The following CTNNA2 variants were observed in gnomAD, a reference collection of about 807,000 sequenced individuals.
CTNNA2 encodes the protein catenin alpha-2.
In CTNNA2, 42 loss-of-function variants were observed where a neutral mutation model predicts 101.0. That is an observed-to-expected ratio of 0.42 (90% CI 0.32 to 0.54). The LOEUF (loss-of-function observed/expected upper bound fraction) is 0.54, where lower values mean the gene tolerates loss of function less well. Among genes scored for constraint, CTNNA2 ranks in the 20% least tolerant of loss-of-function variants. CTNNA2 has a pLI of 0.14. For missense variants in CTNNA2, 871 were observed against 1,223.1 expected, an observed-to-expected ratio of 0.71 and a Z score of 4.29; for synonymous variants, 450 against 456.4, an observed-to-expected ratio of 0.99 and a Z score of 0.18.
At chr2:79,635,824 A>G (rs1046777791) in intron 1 of CTNNA2, among the ~76,000 whole-genome samples, 1 of 151,706 alleles carries the variant, frequency 6.6e-6, no homozygotes, top group Non-Finnish European at 1.5e-5. Flanking sequence ...AGTTCTATTC[A>G]TTGACATATG....
At chr2:79,870,882 C>G (rs889517425) in intron 5 of CTNNA2, among the ~76,000 whole-genome samples, 1 of 152,100 alleles carries the variant, frequency 6.6e-6, no homozygotes, top group Admixed American at 6.5e-5. Flanking sequence ...ATAGGTCCCT[C>G]CCTCCACATG....
intron 12 of CTNNA2, among the ~76,000 whole-genome samples, chr2:80,559,071 C>G (rs1693317866): frequency 6.6e-6 from 1 of 152,094 alleles, no homozygotes; most frequent in Non-Finnish European, 1.5e-5. Flanking sequence ...TTGTAACCAC[C>G]AAGATGTCTC....
chr2:79,723,156 C>T (rs1441062628), intron 2 of CTNNA2, among the ~76,000 whole-genome samples: 1 of 133,324 alleles, frequency 7.5e-6, no homozygotes, highest in Non-Finnish European at 1.6e-5. Flanking sequence ...GTCTTTCCTA[C>T]CCCCTATAGA....
intron 12 of CTNNA2, among the ~76,000 whole-genome samples, chr2:80,572,500 G>A (rs1384254572): frequency 6.6e-6 from 1 of 152,224 alleles, no homozygotes; most frequent in Admixed American, 6.5e-5. Context: ...TTATGGCAAC[G>A]TAGACACCGT....
At chr2:79,599,725 G>A (rs1677428403) in intron 1 of CTNNA2, among the ~76,000 whole-genome samples, 1 of 152,142 alleles carries the variant, frequency 6.6e-6, no homozygotes, top group Non-Finnish European at 1.5e-5. Context: ...AGAAAAATCT[G>A]AGAAATTTAA....
At chr2:79,302,953 G>T (rs543320173) in intron 2 of CTNNA2, among the ~76,000 whole-genome samples, 22 of 152,232 alleles carry the variant, frequency 1.4e-4, no homozygotes, top group African/African-American at 5.3e-4. Flanking sequence ...AAAACATAAA[G>T]AGAAGTTAAC....
intron 7 of CTNNA2, among the ~76,000 whole-genome samples, chr2:80,073,283 G>GT (rs1487418635): frequency 1.3e-5 from 2 of 152,180 alleles, no homozygotes. Flanking sequence ...ACTTTGACAG[G>GT]TTTGCAGGCA....
chr2:79,543,260 C>T (rs6723701), intron 1 of CTNNA2, among the ~76,000 whole-genome samples: 3 of 151,914 alleles, frequency 2.0e-5, no homozygotes, highest in African/African-American at 7.3e-5. Context: ...GAAACAAAAC[C>T]GTGTAATATC....
At chr2:80,519,284 A>T (rs903613283) in intron 9 of CTNNA2, among the ~76,000 whole-genome samples, 21 of 152,194 alleles carry the variant, frequency 1.4e-4, no homozygotes, top group African/African-American at 5.1e-4. Flanking sequence ...ACTATCATGG[A>T]TTGTGCTTTG....
chr2:79,322,198 A>G (rs1676640683), intron 3 of CTNNA2, among the ~76,000 whole-genome samples: 1 of 152,192 alleles, frequency 6.6e-6, no homozygotes, highest in Non-Finnish European at 1.5e-5. Context: ...GAACTAAGAT[A>G]ATTGTCATCA....
At chr2:79,854,913 G>T (rs1037885213) in intron 3 of CTNNA2, among the ~76,000 whole-genome samples, 6 of 152,084 alleles carry the variant, frequency 3.9e-5, no homozygotes, top group African/African-American at 1.4e-4. Context: ...CTACATTCCT[G>T]GGAAAGTAGC....
chr2:79,877,840 T>A (rs1683141892), intron 6 of CTNNA2, among the ~76,000 whole-genome samples: 1 of 152,206 alleles, frequency 6.6e-6, no homozygotes, highest in South Asian at 2.1e-4. Context: ...CCCTAAAATT[T>A]ATTTTTTAAA....
At chr2:79,888,066 C>T (rs1684023676) in intron 6 of CTNNA2, among the ~76,000 whole-genome samples, 2 of 152,130 alleles carry the variant, frequency 1.3e-5, no homozygotes, top group Non-Finnish European at 2.9e-5. Context: ...GTGTAGTCAT[C>T]CGTCAAAAAG....
chr2:79,994,765 C>T (rs73938499), intron 7 of CTNNA2, among the ~76,000 whole-genome samples: 17,445 of 151,988 alleles, frequency 0.11, 2,510 homozygotes, highest in African/African-American at 0.32. Context: ...TTTGGCACTC[C>T]GCATTTGCTC....
At chr2:80,435,006 A>G (rs572562684) in intron 9 of CTNNA2, among the ~76,000 whole-genome samples, 69 of 152,268 alleles carry the variant, frequency 4.5e-4, no homozygotes, top group African/African-American at 1.6e-3. Context: ...CCTCCTCACT[A>G]CTGACATTTT....
chr2:79,802,885 C>G (rs910491426), intron 3 of CTNNA2, among the ~76,000 whole-genome samples: 1 of 151,696 alleles, frequency 6.6e-6, no homozygotes, highest in Non-Finnish European at 1.5e-5. Flanking sequence ...TGTGCAAGCA[C>G]AAGAAAAAGC....
chr2:79,383,939 G>T (rs997387677), intron 4 of CTNNA2, among the ~76,000 whole-genome samples: 1 of 152,146 alleles, frequency 6.6e-6, no homozygotes, highest in African/African-American at 2.4e-5. Flanking sequence ...TTGAAAATAG[G>T]ACAGAGAGGG....
intron 7 of CTNNA2, among the ~76,000 whole-genome samples, chr2:79,985,285 C>T (rs139308571): frequency 1.3e-5 from 2 of 152,316 alleles, no homozygotes; most frequent in East Asian, 1.9e-4. Context: ...GATGGCACTG[C>T]CTCAACCCCA....
At chr2:80,525,407 C>T (rs1689949597) in intron 9 of CTNNA2, among the ~76,000 whole-genome samples, 1 of 151,870 alleles carries the variant, frequency 6.6e-6, no homozygotes, top group Non-Finnish European at 1.5e-5. Context: ...TTGGTGATGC[C>T]CTCCCCAGTG....
Sources: gnomAD v4.1 joint callset for allele counts (sites outside exome capture counted in the v4.1 genomes callset) on GRCh38, gnomAD v4.1.1 for gene constraint, MANE v1.5 for transcripts, NCBI Gene and HGNC (gene_info 2026-07-23, HGNC 2026-07-21) for gene names.